The following CFAP58 variants were observed in gnomAD, a reference collection of about 807,000 sequenced individuals.
CFAP58 encodes cilia and flagella associated protein 58.
Under a neutral mutation model 119.5 loss-of-function variants are expected in CFAP58, and 88 were observed. That is an observed-to-expected ratio of 0.74 (90% CI 0.62 to 0.88). CFAP58 has a LOEUF of 0.88. Among genes scored for constraint, CFAP58 ranks in the 40% least tolerant of loss-of-function variants. The probability of loss-of-function intolerance (pLI) is 0.00; values close to 1 mark genes in which losing one functional copy is unlikely to be tolerated. For missense variants in CFAP58, 990 were observed against 1,021.2 expected (o/e 0.97, Z 0.42); for synonymous variants, 365 against 366.3 (o/e 1.00, Z 0.04).
chr10:104,393,189 A>T, intron 10 of CFAP58, 140 bp from the exon 11 acceptor site: 1 of 743,102 alleles, frequency 1.3e-6, no homozygotes, highest in Non-Finnish European at 2.2e-6. Context: ...CTAGAGACAA[A>T]GGAATAGTCT....
intron 15 of CFAP58, among the ~76,000 whole-genome samples, chr10:104,430,252 C>T (rs1172770886): frequency 6.6e-6 from 1 of 152,164 alleles, no homozygotes; most frequent in Non-Finnish European, 1.5e-5. Context: ...CCACATGGGT[C>T]TTAGTGTCAA....
chr10:104,358,699 G>A, intron 2 of CFAP58, 77 bp downstream of exon 2: 2 of 1,320,824 alleles, frequency 1.5e-6, no homozygotes, highest in South Asian at 1.5e-5. Context: ...CTCTAGGCTG[G>A]TAGTAAATGA....
intron 3 of CFAP58, among the ~76,000 whole-genome samples, chr10:104,364,033 T>A (rs2014706770): frequency 6.6e-6 from 1 of 152,250 alleles, no homozygotes; most frequent in Non-Finnish European, 1.5e-5. Context: ...ATGAATATTA[T>A]CACATAACCT....
chr10:104,379,791 A>G (rs2011745794), intron 8 of CFAP58, among the ~76,000 whole-genome samples: 1 of 152,222 alleles, frequency 6.6e-6, no homozygotes, highest in Non-Finnish European at 1.5e-5. Flanking sequence ...AAAATGGGGC[A>G]ATATGGTGCC....
chr10:104,404,677 T>A (rs11192042), intron 14 of CFAP58, among the ~76,000 whole-genome samples: 35,376 of 151,998 alleles, frequency 0.23, 4,233 homozygotes, highest in Non-Finnish European at 0.26. Flanking sequence ...TGGCGTGATC[T>A]CGGCTCACTG....
chr10:104,441,849 A>T (rs1483420747), intron 15 of CFAP58, among the ~76,000 whole-genome samples: 1 of 152,176 alleles, frequency 6.6e-6, no homozygotes, highest in African/African-American at 2.4e-5. Flanking sequence ...CTACTTCATG[A>T]CATCATAAAC....
At chr10:104,363,117 C>A (rs1403411698) in intron 3 of CFAP58, among the ~76,000 whole-genome samples, 20 of 152,202 alleles carry the variant, frequency 1.3e-4, no homozygotes, top group Admixed American at 1.3e-3. Flanking sequence ...CCAATGACCA[C>A]ACAGAAAGTC....
At chr10:104,439,975 A>G (rs1472154101) in intron 15 of CFAP58, among the ~76,000 whole-genome samples, 1 of 152,152 alleles carries the variant, frequency 6.6e-6, no homozygotes, top group Non-Finnish European at 1.5e-5. Flanking sequence ...GCCCGCCACC[A>G]GGCCCGGCTA....
chr10:104,376,158 C>T (rs747477035), intron 7 of CFAP58, among the ~76,000 whole-genome samples: 9 of 152,022 alleles, frequency 5.9e-5, no homozygotes, highest in Non-Finnish European at 1.2e-4. Flanking sequence ...TTAAATATTT[C>T]GATTTTATTC....
intron 15 of CFAP58, among the ~76,000 whole-genome samples, chr10:104,421,776 G>C (rs144692883): frequency 9.5e-4 from 145 of 152,368 alleles, no homozygotes; most frequent in African/African-American, 3.4e-3. Context: ...GGTAATAGTA[G>C]TGCCTATCAC....
intron 12 of CFAP58, 138 bp from the exon 13 acceptor site, chr10:104,400,542 C>G: frequency 2.9e-6 from 2 of 686,868 alleles, no homozygotes. Flanking sequence ...GTCTAGCCAG[C>G]TCTTTCCAGT....
intron 5 of CFAP58, among the ~76,000 whole-genome samples, chr10:104,366,244 C>G (rs183467873): frequency 2.6e-5 from 4 of 152,244 alleles, no homozygotes; most frequent in Admixed American, 2.6e-4. Flanking sequence ...TTTTAACCTT[C>G]TATTGATCTA....
At chr10:104,342,956 A>G in the CFAP58 span, among the ~76,000 whole-genome samples, 1 of 152,074 alleles carries the variant, frequency 6.6e-6, no homozygotes. Context: ...TTAAAGATTA[A>G]ATACACAGGG....
intron 15 of CFAP58, among the ~76,000 whole-genome samples, chr10:104,414,354 G>A (rs923742403): frequency 2.6e-5 from 4 of 152,196 alleles, no homozygotes; most frequent in African/African-American, 9.7e-5. Flanking sequence ...AGAAGGAGAC[G>A]TAAAGAAACA....
rs540678419 is a variant in CFAP58 at position 104,359,713 on chromosome 10, C to T, written c.291+1091C>T. Among the ~76,000 whole-genome samples the T allele has an allele frequency of 1.1e-4, 16 of 152,350 alleles. No individual in the cohort carries two copies. The East Asian group carries it at 2.9e-3, about 28-fold the overall frequency. On this transcript the variant is annotated intron_variant, in intron 2 of 17. Coordinates refer to ENST00000369704, the MANE Select transcript of CFAP58 (RefSeq NM_001008723.2). ...TTGGGAGGCTGATGCAGGAGAATCA[C>T]TTGAACCAGGAGGTGGAGGTTGCAG...
intron 15 of CFAP58, among the ~76,000 whole-genome samples, chr10:104,423,681 G>A (rs1221938488): frequency 1.3e-5 from 2 of 152,086 alleles, no homozygotes; most frequent in African/African-American, 2.4e-5. Context: ...TATTGAATCT[G>A]TATACAATTA....
chr10:104,384,469 T>G (rs1236899798), intron 9 of CFAP58, among the ~76,000 whole-genome samples: 4 of 152,126 alleles, frequency 2.6e-5, no homozygotes, highest in Non-Finnish European at 5.9e-5. Flanking sequence ...AAAAGCAGCC[T>G]AATGGAGCCT....
At chr10:104,436,081 C>G (rs1161141490) in intron 15 of CFAP58, among the ~76,000 whole-genome samples, 2 of 152,106 alleles carry the variant, frequency 1.3e-5, no homozygotes, top group African/African-American at 4.8e-5. Context: ...CTTTTTTCCC[C>G]CCAGGCACTA....
At chr10:104,398,118 G>C (rs1182392365) in intron 11 of CFAP58, among the ~76,000 whole-genome samples, 1 of 152,220 alleles carries the variant, frequency 6.6e-6, no homozygotes, top group Admixed American at 6.5e-5. Context: ...AACTGCCAGT[G>C]ACCTGACTGG....
Sources: gnomAD v4.1 joint callset for allele counts (sites outside exome capture counted in the v4.1 genomes callset) on GRCh38, gnomAD v4.1.1 for gene constraint, MANE v1.5 for transcripts, NCBI Gene and HGNC (gene_info 2026-07-23, HGNC 2026-07-21) for gene names.